TMC3: variants seen among roughly 807,000 people sequenced by gnomAD.
TMC3 encodes transmembrane channel like 3.
In TMC3, 98 loss-of-function variants were observed where a neutral mutation model predicts 110.6. The ratio of observed to expected loss-of-function variants is 0.89; its 90% CI spans 0.75 to 1.05. The LOEUF (loss-of-function observed/expected upper bound fraction) is 1.05. TMC3 is among the 50% of genes least tolerant of loss of function. The probability of loss-of-function intolerance (pLI) is 0.00; values close to 1 mark genes in which losing one functional copy is unlikely to be tolerated. For synonymous variants in TMC3, 489 were observed against 513.1 expected, an observed-to-expected ratio of 0.95 and a Z score of 0.63; for missense variants, 1,319 against 1,373.2, an observed-to-expected ratio of 0.96 and a Z score of 0.62.
At chr15:81,363,755 A>G (rs1248857921) in intron 3 of TMC3, among the ~76,000 whole-genome samples, 1 of 152,130 alleles carries the variant, frequency 6.6e-6, no homozygotes, top group Non-Finnish European at 1.5e-5. Context: ...CCTACCTTAC[A>G]TTACCTTAAT....
intron 4 of TMC3, among the ~76,000 whole-genome samples, chr15:81,359,932 G>C (rs577091614): frequency 1.3e-5 from 2 of 152,152 alleles, no homozygotes; most frequent in South Asian, 4.2e-4. Context: ...TGGGTGAAGG[G>C]TACACGGGAA....
intron 3 of TMC3, among the ~76,000 whole-genome samples, chr15:81,366,528 G>T (rs1894321236): frequency 6.6e-6 from 1 of 152,126 alleles, no homozygotes; most frequent in South Asian, 2.1e-4. Flanking sequence ...ATTGCTAAAA[G>T]TCTCAATAGC....
rs781323160 is a variant in TMC3, at chr15:81,344,854, G to C, written c.1430C>G (p.Ala477Gly). 1 of 1,613,966 alleles carries C rather than the reference G, an allele frequency of 6.2e-7. No individual in the cohort carries two copies. Residue 477 changes from alanine (A) to glycine (G), a missense_variant, in exon 13 of 22, where the codon GCT (alanine) becomes GGT (glycine). By Grantham distance (60) the Ala-to-Gly change is moderately conservative. Coordinates refer to ENST00000359440, the MANE Select transcript of TMC3 (RefSeq NM_001080532.3). The part of the protein sequence containing the change: ...TWALEETSIS[A>G]YTMPLIKANK... ...GGCCTTTATAAGAGGCATGGTATAA[G>C]CTGAAATGCTGGTCTCTTCCAAGGC...
chr15:81,349,929 C>T (rs1421131198), intron 10 of TMC3, among the ~76,000 whole-genome samples: 1 of 150,268 alleles, frequency 6.7e-6, no homozygotes, highest in Non-Finnish European at 1.5e-5. Flanking sequence ...TGAAGACCAG[C>T]CTGGGCAACA....
Position 81,332,935 on chromosome 15 carries a change from T to A in TMC3, c.2787A>T (p.Ala929=). ...ELYPRNVRQY[A]SRVPRQPPSP... is the part of the protein sequence containing the mutation. ...AGGGAGGCTGGCGGGGGACCCGGGA[T>A]GCATATTGTCGCACGTTCCTGGGGT... The change falls in exon 22 of 22, where the codon GCA becomes GCT. Residue 929 remains alanine, a synonymous_variant. Coordinates refer to ENST00000359440, the MANE Select transcript of TMC3 (RefSeq NM_001080532.3). 6.2e-7 allele frequency: 1 copy of A among 1,612,750 alleles called. No homozygotes were observed. The highest frequency in any genetic ancestry group is 1.1e-5 in the South Asian group (1 of 90,992).
intron 3 of TMC3, among the ~76,000 whole-genome samples, chr15:81,364,692 C>A (rs1176383767): frequency 9.9e-5 from 9 of 91,110 alleles, no homozygotes; most frequent in South Asian, 3.6e-4. Context: ...TAAAAAAAAA[C>A]ATTATTCCAA....
chr15:81,343,238 T>A (rs1180567399), intron 15 of TMC3, 40 bp downstream of exon 15: 4 of 1,294,922 alleles, frequency 3.1e-6, no homozygotes, highest in Non-Finnish European at 4.5e-6. Flanking sequence ...TTAGCCCAGA[T>A]GAGATGTAAG....
Position 81,343,357 on chromosome 15 carries a change from A to G in TMC3, c.1648-12T>C. On this transcript the variant is annotated splice_polypyrimidine_tract_variant and intron_variant, in intron 14 of 21. Transcript: ENST00000359440. ...TCTCCATATTCAGGCTACAAGAGAAAATAAACTTGTGCATTAAACAAGTTC... is the reference window on the plus strand; with the variant it reads ...TCTCCATATTCAGGCTACAAGAGAAGATAAACTTGTGCATTAAACAAGTTC... The G allele has an allele frequency of 6.3e-7, 1 of 1,590,730 alleles. No homozygotes were observed. The highest frequency in any genetic ancestry group is 8.6e-7 in the Non-Finnish European group (1 of 1,158,644).
Position 81,347,227 on chromosome 15 carries a change from G to A in TMC3, c.1194-784C>T, listed in dbSNP as rs187746429. On this transcript the variant is annotated intron_variant, in intron 11 of 21. Coordinates refer to ENST00000359440, the MANE Select transcript of TMC3 (RefSeq NM_001080532.3). ...ACACACTTCAGTGAGACAACACTTAGCCCTTGGAGAAAAATGAAGCCAATT... is the reference window on the plus strand; with the variant it reads ...ACACACTTCAGTGAGACAACACTTAACCCTTGGAGAAAAATGAAGCCAATT... 3.9e-5 allele frequency among the ~76,000 whole-genome samples: 6 copies of A among 152,336 alleles called. No homozygotes were observed. The East Asian group carries it at 1.2e-3, about 29-fold the overall frequency.
At chr15:81,348,186 C>G (rs988291442) in intron 11 of TMC3, among the ~76,000 whole-genome samples, 5 of 152,204 alleles carry the variant, frequency 3.3e-5, no homozygotes, top group Admixed American at 2.0e-4. Flanking sequence ...TATTTACTAT[C>G]TAGTTCTTTT....
chr15:81,341,172 G>A (rs1893706038), intron 16 of TMC3, among the ~76,000 whole-genome samples: 1 of 152,140 alleles, frequency 6.6e-6, no homozygotes, highest in Non-Finnish European at 1.5e-5. Flanking sequence ...TCGGCAAAAC[G>A]TTTTAAAAGT....
At position 81,337,876 on chromosome 15, in the gene TMC3, G is replaced by C; in HGVS notation, c.2130C>G (p.Ser710Arg). The part of the protein sequence containing the change: ...LQSIARSLKL[S>R]NHQLKMQIQN... ...GGATCTGCATTTTGAGCTGGTGGTT[G>C]CTGAGCTTTAGAGACCGTGCGATGC... The change falls in exon 19 of 22, where the codon AGC (serine) becomes AGG (arginine). Residue 710 changes from serine to arginine, a missense_variant. By Grantham distance (110) the Ser-to-Arg change is moderately radical. Coordinates refer to ENST00000359440, the MANE Select transcript of TMC3 (RefSeq NM_001080532.3). 1 of 1,614,006 alleles carries C rather than the reference G, an allele frequency of 6.2e-7. No individual in the cohort carries two copies. Among genetic ancestry groups the C allele is most frequent in the Non-Finnish European group, 8.5e-7 (1 of 1,179,864 alleles).
In TMC3 at chr15:81,332,357, C is replaced by T; in HGVS notation, c.*62G>A. Reference sequence around the variant, plus strand: ...CCTCTTTTTCCAGAAAGGGAGATGCCATGTGCTGGCCCAGCACTCCAACAG... The same window carrying T: ...CCTCTTTTTCCAGAAAGGGAGATGCTATGTGCTGGCCCAGCACTCCAACAG... On this transcript the variant is annotated 3_prime_UTR_variant, in exon 22 of 22. Coordinates refer to ENST00000359440, the MANE Select transcript of TMC3 (RefSeq NM_001080532.3). The T allele has an allele frequency of 6.6e-7, 1 of 1,511,144 alleles. No individual in the cohort carries two copies. Among genetic ancestry groups the T allele is most frequent in the Non-Finnish European group, 8.9e-7 (1 of 1,128,906 alleles). 93.6% of individuals were successfully genotyped at this position (1,511,144 alleles called of 1,614,324 possible).
rs371105295 is a variant in TMC3, at chr15:81,336,657, A to G, written c.2161-6T>C. ...TTCTTATCCTCTGATCTTGCCTAAA[A>G]TGCAAATGATATGCATGTTTGTTTT... On this transcript the variant is annotated splice_region_variant and splice_polypyrimidine_tract_variant and intron_variant, in intron 19 of 21. Coordinates refer to ENST00000359440, the MANE Select transcript of TMC3 (RefSeq NM_001080532.3). 3.1e-6 allele frequency: 5 copies of G among 1,613,964 alleles called. No homozygotes were observed. Among genetic ancestry groups the G allele is most frequent in the Non-Finnish European group, 4.2e-6 (5 of 1,179,856 alleles).
intron 15 of TMC3, 81 bp from the exon 16 acceptor site, chr15:81,341,599 A>G (rs1893718143): frequency 3.2e-5 from 47 of 1,483,224 alleles, no homozygotes; most frequent in Non-Finnish European, 4.3e-5. Flanking sequence ...ATGCAGGAAC[A>G]TGGTTCTGAC....
At position 81,339,074 on chromosome 15, in the gene TMC3, A is replaced by G. The variant is rs528312419; in HGVS notation, c.1956-294T>C. ...CTTGAATACAGCTGGATAATATAGG[A>G]AAAAAAAGTGCTGTGCACTGTGGTT... is the stretch of plus-strand genomic sequence containing the variant. On this transcript the variant is annotated intron_variant, in intron 17 of 21. Coordinates refer to ENST00000359440, the MANE Select transcript of TMC3 (RefSeq NM_001080532.3). Among the ~76,000 whole-genome samples the G allele has an allele frequency of 3.3e-5, 5 of 152,276 alleles. No homozygotes were observed. In the South Asian group the frequency reaches 6.2e-4, roughly 19 times the overall value.
At chr15:81,346,920 A>G (rs960594852) in intron 11 of TMC3, among the ~76,000 whole-genome samples, 6 of 152,364 alleles carry the variant, frequency 3.9e-5, no homozygotes, top group African/African-American at 1.4e-4. Context: ...AAAAAGCAGC[A>G]GAATGCAATT....
intron 17 of TMC3, 121 bp from the exon 18 acceptor site, chr15:81,338,901 A>G: frequency 1.9e-6 from 2 of 1,073,366 alleles, no homozygotes; most frequent in Non-Finnish European, 2.7e-6. Flanking sequence ...ATGATTTCAT[A>G]TCTAATTAAT....
chr15:81,332,240 G>T lies in TMC3; in HGVS notation c.*179C>A, dbSNP rs1354907915. 2 of 878,508 alleles carry T rather than the reference G, an allele frequency of 2.3e-6. No individual in the cohort carries two copies. The highest frequency in any genetic ancestry group is 3.3e-6 in the Non-Finnish European group (2 of 610,008). The allele number at this position is 878,508 out of a possible 1,614,324, so 54.4% of individuals were successfully genotyped here. ...ACTCGGATAAATTTGGCTAACAGTA[G>T]CTGTAGAATAGGTATCTGTAGCCCT... On this transcript the variant is annotated 3_prime_UTR_variant, in exon 22 of 22. Coordinates refer to ENST00000359440, the MANE Select transcript of TMC3 (RefSeq NM_001080532.3).
Sources: allele counts gnomAD v4.1 joint callset (sites outside exome capture counted in the v4.1 genomes callset), GRCh38; gene constraint gnomAD v4.1.1; transcripts MANE v1.5; gene names NCBI Gene and HGNC (gene_info 2026-07-23, HGNC 2026-07-21).